The following ARHGAP32 variants were observed in gnomAD, a reference collection of about 807,000 sequenced individuals.
The protein encoded by ARHGAP32 is Rho GTPase activating protein 32.
In ARHGAP32, 51 loss-of-function variants were observed where a neutral mutation model predicts 186.5. That is an observed-to-expected ratio of 0.27 (90% CI 0.22 to 0.35). The LOEUF (loss-of-function observed/expected upper bound fraction) is 0.35. ARHGAP32 is among the 10% of genes least tolerant of loss of function. The pLI is 1.00. For missense variants in ARHGAP32, 2,186 were observed against 2,623.5 expected, an observed-to-expected ratio of 0.83 and a Z score of 3.64; for synonymous variants, 950 against 964.3, an observed-to-expected ratio of 0.99 and a Z score of 0.27.
At chr11:129,048,409 G>A (rs978507897) in intron 10 of ARHGAP32, among the ~76,000 whole-genome samples, 3 of 151,894 alleles carry the variant, frequency 2.0e-5, no homozygotes, top group African/African-American at 7.2e-5. Flanking sequence ...AGTCAGTTAA[G>A]AGAAAAAAGT....
chr11:128,985,815 AGTGTGTGTGTGTGTGCGTGT>A (rs1385317570), intron 15 of ARHGAP32, 168 bp downstream of exon 15: 1 of 186,196 alleles, frequency 5.4e-6, no homozygotes, highest in Non-Finnish European at 1.0e-5. Flanking sequence ...ACATACATAT[AGTGTGTGTGTGTGTGCGTGT>A]GTGTGTGTGT....
intron 1 of ARHGAP32, among the ~76,000 whole-genome samples, chr11:129,218,369 C>T (rs1391342618): frequency 3.3e-5 from 5 of 152,024 alleles, no homozygotes; most frequent in East Asian, 1.9e-4. Flanking sequence ...TAACTCTCCA[C>T]GTTTATCAAG....
chr11:129,049,948 CTG>C (rs1180175206), intron 10 of ARHGAP32, among the ~76,000 whole-genome samples: 1 of 152,194 alleles, frequency 6.6e-6, no homozygotes, highest in African/African-American at 2.4e-5. Flanking sequence ...ACATTGGAAA[CTG>C]TGAACTGACT....
intron 1 of ARHGAP32, among the ~76,000 whole-genome samples, chr11:129,218,790 G>A (rs991590133): frequency 1.3e-5 from 2 of 152,122 alleles, no homozygotes; most frequent in Non-Finnish European, 2.9e-5. Flanking sequence ...CAATGAAAAA[G>A]TAAAACCTTA....
intron 11 of ARHGAP32, among the ~76,000 whole-genome samples, chr11:129,017,153 C>T (rs960967988): frequency 1.3e-5 from 2 of 151,992 alleles, no homozygotes; most frequent in Non-Finnish European, 2.9e-5. Flanking sequence ...ATTTCATTTT[C>T]CTCATCTATG....
rs562845620 is a variant in ARHGAP32, at chr11:129,098,677, C to T, written c.445-4970G>A. Among the ~76,000 whole-genome samples, 592 of 152,220 alleles carry T rather than the reference C, an allele frequency of 3.9e-3. 2 individuals are homozygous for T. Among genetic ancestry groups the T allele is most frequent in the African/African-American group, 0.014 (566 of 41,538 alleles). ...CCCGTGATCCACCCGCCTCGGCCTC[C>T]CAAAGTGTGGCTAGCATTATTTTAA... is the stretch of plus-strand genomic sequence containing the variant. On this transcript the variant is annotated intron_variant, in intron 5 of 22. Coordinates refer to ENST00000682385, the MANE Select transcript of ARHGAP32 (RefSeq NM_001378024.1).
In ARHGAP32 at chr11:129,185,416, C is replaced by T. The variant is rs113550826; in HGVS notation, c.116+6667G>A. Among the ~76,000 whole-genome samples the T allele has an allele frequency of 9.2e-3, 1,405 of 152,142 alleles. 9 individuals are homozygous for T. The highest frequency in any genetic ancestry group is 0.014 in the Middle Eastern group (4 of 294). ...GAATTGAACAATGAGAACACTTGGA[C>T]ACAGGAAGGGGAACATCACACACCA... On this transcript the variant is annotated intron_variant, in intron 1 of 22. Transcript: ENST00000682385.
chr11:129,155,366 T>A (rs1262774446), intron 2 of ARHGAP32, among the ~76,000 whole-genome samples: 1 of 152,182 alleles, frequency 6.6e-6, no homozygotes, highest in Admixed American at 6.5e-5. Context: ...AAGGCACAGG[T>A]GAATATCTAT....
At chr11:129,185,443 G>C (rs1208759192) in intron 1 of ARHGAP32, among the ~76,000 whole-genome samples, 1 of 152,072 alleles carries the variant, frequency 6.6e-6, no homozygotes, top group Admixed American at 6.6e-5. Context: ...CACACACCAG[G>C]GACTGTTGTG....
intron 1 of ARHGAP32, among the ~76,000 whole-genome samples, chr11:129,173,491 C>T (rs1165665746): frequency 6.6e-6 from 1 of 152,136 alleles, no homozygotes; most frequent in Non-Finnish European, 1.5e-5. Flanking sequence ...CATCCTGATA[C>T]CAAAACCAGA....
At chr11:129,028,962 A>G (rs1426874195) in intron 11 of ARHGAP32, among the ~76,000 whole-genome samples, 1 of 152,232 alleles carries the variant, frequency 6.6e-6, no homozygotes, top group African/African-American at 2.4e-5. Context: ...GAGAAATACT[A>G]TACTAAGAAA....
upstream of ARHGAP32, among the ~76,000 whole-genome samples, chr11:129,193,687 T>TA (rs1944342891): frequency 5.8e-5 from 2 of 34,648 alleles, no homozygotes; most frequent in African/African-American, 2.1e-4. Context: ...ATATAATATA[T>TA]ATTATATAAT....
At chr11:129,269,106 A>G (rs1945442913) in intron 1 of ARHGAP32, among the ~76,000 whole-genome samples, 1 of 151,954 alleles carries the variant, frequency 6.6e-6, no homozygotes, top group South Asian at 2.1e-4. Context: ...CCCCATCTCT[A>G]TTTAAAAATA....
chr11:129,028,300 A>T (rs1313768941), intron 11 of ARHGAP32, among the ~76,000 whole-genome samples: 2 of 152,196 alleles, frequency 1.3e-5, no homozygotes, highest in African/African-American at 4.8e-5. Flanking sequence ...ACCTTCACAC[A>T]AAAAAATGGT....
intron 1 of ARHGAP32, among the ~76,000 whole-genome samples, chr11:129,236,300 T>C (rs897393894): frequency 1.3e-5 from 2 of 152,184 alleles, no homozygotes; most frequent in African/African-American, 2.4e-5. Context: ...TGGTTTTGAT[T>C]TGCATTTCTC....
intron 10 of ARHGAP32, among the ~76,000 whole-genome samples, chr11:129,057,701 TA>T (rs34991638): frequency 0.5 from 64,534 of 130,200 alleles, 14,889 homozygotes; most frequent in African/African-American, 0.61. Context: ...TAGCGTTTGA[TA>T]AAAAAAAAAA....
intron 6 of ARHGAP32, among the ~76,000 whole-genome samples, chr11:129,082,875 C>G (rs651731): frequency 0.13 from 19,629 of 151,758 alleles, 1,384 homozygotes; most frequent in South Asian, 0.32. Flanking sequence ...AATAAATCAG[C>G]AAGACAAAAC....
At chr11:129,235,168 T>G (rs1366063819) in intron 1 of ARHGAP32, among the ~76,000 whole-genome samples, 1 of 152,156 alleles carries the variant, frequency 6.6e-6, no homozygotes, top group Non-Finnish European at 1.5e-5. Flanking sequence ...ATTTCGGACT[T>G]TAGCCCTTCG....
At chr11:129,065,662 C>T (rs975430065) in intron 7 of ARHGAP32, among the ~76,000 whole-genome samples, 1 of 152,084 alleles carries the variant, frequency 6.6e-6, no homozygotes, top group African/African-American at 2.4e-5. Flanking sequence ...GCTGCAGTGT[C>T]CGTTATATTT....
Sources: gnomAD v4.1 joint callset for allele counts (sites outside exome capture counted in the v4.1 genomes callset) on GRCh38, gnomAD v4.1.1 for gene constraint, MANE v1.5 for transcripts, NCBI Gene and HGNC (gene_info 2026-07-23, HGNC 2026-07-21) for gene names.